Variants in MAPK10 observed in about 807,000 individuals in gnomAD.
MAPK10 encodes mitogen-activated protein kinase 10.
In MAPK10, 25 loss-of-function variants were observed where a neutral mutation model predicts 59.3. The observed-to-expected ratio is 0.42, with a 90% CI of 0.31 to 0.59. The LOEUF (loss-of-function observed/expected upper bound fraction) is 0.59. Ranked by LOEUF, MAPK10 falls within the 20% of genes least tolerant of loss-of-function variation. MAPK10 has a pLI of 0.15. For synonymous variants in MAPK10, 190 were observed against 200.5 expected (o/e 0.95, Z 0.44); for missense variants, 351 against 568.9 (o/e 0.62, Z 3.90).
At chr4:86,303,014 T>G (rs564123634) in intron 2 of MAPK10, among the ~76,000 whole-genome samples, 45 of 152,094 alleles carry the variant, frequency 3.0e-4, no homozygotes, top group Non-Finnish European at 5.1e-4. Flanking sequence ...AACATCCCAT[T>G]ACCGGAATTC....
At chr4:86,430,235 T>C (rs1460240080) in intron 1 of MAPK10, among the ~76,000 whole-genome samples, 1 of 152,200 alleles carries the variant, frequency 6.6e-6, no homozygotes, top group Non-Finnish European at 1.5e-5. Flanking sequence ...TCCAACATTC[T>C]ATAAGAAGAG....
intron 3 of MAPK10, among the ~76,000 whole-genome samples, chr4:86,174,191 A>G (rs1193434057): frequency 1.3e-5 from 2 of 152,204 alleles, no homozygotes; most frequent in Admixed American, 1.3e-4. Context: ...TTGCAGTATT[A>G]TTTACAATAG....
At chr4:86,407,543 G>A (rs190152976) in intron 1 of MAPK10, among the ~76,000 whole-genome samples, 1 of 152,254 alleles carries the variant, frequency 6.6e-6, no homozygotes, top group African/African-American at 2.4e-5. Context: ...TCACTGTATT[G>A]TCAAATTACA....
chr4:86,118,571 AATACAC>A (rs998175172), intron 4 of MAPK10, among the ~76,000 whole-genome samples: 6 of 98,230 alleles, frequency 6.1e-5, no homozygotes, highest in African/African-American at 1.3e-4. Context: ...TATTTATATA[AATACAC>A]ATACACACAC....
At chr4:86,566,264 C>G (rs894724655) in intron 1 of MAPK10, among the ~76,000 whole-genome samples, 1 of 152,096 alleles carries the variant, frequency 6.6e-6, no homozygotes, top group Non-Finnish European at 1.5e-5. Context: ...CCAAAAAGTA[C>G]TCAAATACTA....
At chr4:86,250,630 T>A (rs17011607) in intron 2 of MAPK10, among the ~76,000 whole-genome samples, 2,439 of 152,208 alleles carry the variant, frequency 0.016, 79 homozygotes, top group African/African-American at 0.055. Flanking sequence ...CATCTAGCAT[T>A]CCCTGACTCT....
chr4:86,454,165 G>A (rs1225062308), upstream of MAPK10, among the ~76,000 whole-genome samples: 2 of 152,094 alleles, frequency 1.3e-5, no homozygotes, highest in Non-Finnish European at 2.9e-5. Context: ...CAAATGAGAA[G>A]GCACCAGAAA....
chr4:86,365,775 T>C (rs1025225962), intron 1 of MAPK10, among the ~76,000 whole-genome samples: 24 of 152,194 alleles, frequency 1.6e-4, no homozygotes, highest in African/African-American at 5.8e-4. Flanking sequence ...AAACTCTTTT[T>C]CAAAGTGCTT....
In MAPK10 at chr4:86,341,647, AT is replaced by A. The variant is rs562571093; in HGVS notation, c.-7+12882del. On this transcript the variant is annotated intron_variant, in intron 2 of 13. Coordinates refer to ENST00000641462, the MANE Select transcript of MAPK10 (RefSeq NM_138982.4). ...GAAAGAGCAATGAATAAAATTTAAG[AT>A]TTTTGTGGATATTTTAGAATGTTAC... Among the ~76,000 whole-genome samples the A allele has an allele frequency of 8.5e-3, 1,288 of 152,162 alleles. 7 individuals carry two copies. The highest frequency in any genetic ancestry group is 0.031 in the Middle Eastern group (9 of 294).
chr4:86,547,540 G>T (rs1260812242), intron 1 of MAPK10, among the ~76,000 whole-genome samples: 1 of 152,170 alleles, frequency 6.6e-6, no homozygotes, highest in East Asian at 1.9e-4. Context: ...AGCCTCCCCC[G>T]CGCTCCCTGG....
chr4:86,270,177 A>G (rs1411977129), intron 2 of MAPK10, among the ~76,000 whole-genome samples: 1 of 152,104 alleles, frequency 6.6e-6, no homozygotes, highest in Admixed American at 6.6e-5. Context: ...AAATTCTATT[A>G]TGTTGTAATT....
At chr4:86,304,570 T>A (rs374975702) in intron 2 of MAPK10, among the ~76,000 whole-genome samples, 2 of 151,214 alleles carry the variant, frequency 1.3e-5, no homozygotes, top group African/African-American at 4.9e-5. Context: ...TTTTTTGTAT[T>A]TTTAGTAGAG....
At position 86,014,047 on chromosome 4, in the gene MAPK10, G is replaced by GAGTA. The variant is rs1742274402; in HGVS notation, c.*3177_*3180dup. 6.6e-6 allele frequency: 1 copy of GAGTA among 152,166 alleles called. No homozygotes were observed. Among genetic ancestry groups the GAGTA allele is most frequent in the Non-Finnish European group, 1.5e-5 (1 of 68,044 alleles). The allele number at this position is 152,166 out of a possible 1,614,324, so 9.4% of individuals were successfully genotyped here. Reference sequence around the variant, plus strand: ...CAGCAGTTTAATTTTCCCTGCACATGAGTACACAGCCATCCTTCCTACAAA... The same window carrying GAGTA: ...CAGCAGTTTAATTTTCCCTGCACATGAGTAAGTACACAGCCATCCTTCCTACAAA... On this transcript the variant is annotated 3_prime_UTR_variant, in exon 14 of 14. Transcript: ENST00000641462.
Position 86,516,656 on chromosome 4 carries a change from G to T in MAPK10, c.-263+77254C>A, listed in dbSNP as rs72665728. On this transcript the variant is annotated intron_variant, in intron 1 of 4. Transcript: ENST00000502302. The stretch of plus-strand genomic sequence containing the variant: ...TGTTGTTGTTGTTTGTTTGTTTTTT[G>T]TTTGTTTGTTTGTTTGCAGCTACTG... 1.1e-3 allele frequency among the ~76,000 whole-genome samples: 133 copies of T among 122,250 alleles called. 3 individuals are homozygous for T. Among genetic ancestry groups the T allele is most frequent in the South Asian group, 7.7e-3 (33 of 4,282 alleles). 80.2% of individuals were successfully genotyped at this position (122,250 alleles called of 152,430 possible).
chr4:86,191,012 C>A (rs771511103), intron 3 of MAPK10, among the ~76,000 whole-genome samples: 7 of 152,112 alleles, frequency 4.6e-5, no homozygotes, highest in Non-Finnish European at 8.8e-5. Context: ...ACCCAGTAGT[C>A]ATTTAGGAGC....
intron 11 of MAPK10, among the ~76,000 whole-genome samples, chr4:86,033,369 C>A (rs2039512301): frequency 6.6e-6 from 1 of 152,200 alleles, no homozygotes; most frequent in African/African-American, 2.4e-5. Flanking sequence ...CCCCCAGAGC[C>A]CTCTGAGCTG....
chr4:86,536,302 CAT>C (rs1758240374), intron 1 of MAPK10, among the ~76,000 whole-genome samples: 1 of 152,158 alleles, frequency 6.6e-6, no homozygotes, highest in African/African-American at 2.4e-5. Flanking sequence ...TTTTACTTGA[CAT>C]AATTCAAAGA....
intron 1 of MAPK10, among the ~76,000 whole-genome samples, chr4:86,471,455 CA>C (rs1400452799): frequency 3.9e-5 from 6 of 152,024 alleles, no homozygotes; most frequent in Non-Finnish European, 2.9e-5. Flanking sequence ...ATGCTGAACA[CA>C]AAGCCATCAT....
In MAPK10 at chr4:86,565,553, G is replaced by C. The variant is rs143605385; in HGVS notation, c.-263+28357C>G. 9.5e-3 allele frequency among the ~76,000 whole-genome samples: 1,442 copies of C among 152,256 alleles called. 7 individuals are homozygous for C. The highest frequency in any genetic ancestry group is 0.014 in the Non-Finnish European group (959 of 68,018). ...TCTTCAAGGTCCCTCTAAAACATCA[G>C]TGATTAAATTGTATTTAGCTTTTCG... On this transcript the variant is annotated intron_variant, in intron 1 of 4. Transcript: ENST00000502302.
Sources: gnomAD v4.1 joint callset for allele counts (sites outside exome capture counted in the v4.1 genomes callset) on GRCh38, gnomAD v4.1.1 for gene constraint, MANE v1.5 for transcripts, NCBI Gene and HGNC (gene_info 2026-07-23, HGNC 2026-07-21) for gene names.